FRMPD4: variants seen among roughly 807,000 people sequenced by gnomAD.
FRMPD4 encodes the protein FERM and PDZ domain-containing protein 4.
A neutral mutation model predicts 94.1 loss-of-function variants in FRMPD4; 22 were observed. The observed-to-expected ratio is 0.23, with a 90% CI of 0.17 to 0.33. The LOEUF is 0.33. FRMPD4 is among the 10% of genes least tolerant of loss of function. FRMPD4 has a pLI of 1.00. For synonymous variants in FRMPD4, 631 were observed against 548.6 expected, an observed-to-expected ratio of 1.15 and a Z score of -2.10; for missense variants, 1,111 against 1,339.9, an observed-to-expected ratio of 0.83 and a Z score of 2.67.
chrX:12,338,884 G>C (rs2147954084), intron 1 of FRMPD4, among the ~76,000 whole-genome samples: 1 of 112,768 alleles, frequency 8.9e-6, no homozygotes, highest in South Asian at 3.7e-4. Context: ...CACCTTGCCT[G>C]TGTTCCATGT....
intron 3 of FRMPD4, among the ~76,000 whole-genome samples, chrX:11,901,783 T>G (rs1387414479): frequency 1.8e-5 from 2 of 111,815 alleles, no homozygotes; most frequent in Non-Finnish European, 1.9e-5. Flanking sequence ...ACTTTTTAAT[T>G]ATGGCCTTTC....
At chrX:12,071,321 G>A (rs1162486703) in intron 3 of FRMPD4, among the ~76,000 whole-genome samples, 1 of 110,320 alleles carries the variant, frequency 9.1e-6, no homozygotes, top group Non-Finnish European at 1.9e-5. Context: ...TAAATGACAG[G>A]AACCATGACA....
At position 12,416,860 on chromosome X, in the gene FRMPD4, C is replaced by G. The variant is rs180972017; in HGVS notation, c.42-81820C>G. 2.2e-3 allele frequency among the ~76,000 whole-genome samples: 245 copies of G among 111,971 alleles called. 4 individuals carry two copies. The highest frequency in any genetic ancestry group is 3.6e-3 in the Admixed American group (38 of 10,610). On this transcript the variant is annotated intron_variant, in intron 1 of 16. Coordinates refer to ENST00000675598, the MANE Select transcript of FRMPD4 (RefSeq NM_001368397.1). ...AAGGAAGTCACACCATACATTTTGT[C>G]TGTCTTTCTTTAAAATCCTTTATTT...
At chrX:11,935,370 G>A (rs1490941574) in intron 3 of FRMPD4, among the ~76,000 whole-genome samples, 3 of 17,260 alleles carry the variant, frequency 1.7e-4, no homozygotes, top group Non-Finnish European at 2.1e-4. Flanking sequence ...TGCCATGCTT[G>A]TGCGCTGCAC....
At chrX:12,720,066 GAA>G (rs1451696746) in intron 16 of FRMPD4, among the ~76,000 whole-genome samples, 4 of 102,966 alleles carry the variant, frequency 3.9e-5, no homozygotes, top group East Asian at 5.9e-4. Flanking sequence ...AAGAAAGAAA[GAA>G]AGAAAGAAAG....
At chrX:12,719,582 T>C (rs5934031) in intron 16 of FRMPD4, among the ~76,000 whole-genome samples, 45,679 of 110,736 alleles carry the variant, frequency 0.41, 7,014 homozygotes, top group East Asian at 0.66. Flanking sequence ...CAATGGAAGT[T>C]AGTGACATCT....
rs1425807087 is a variant in FRMPD4 at position 12,058,077 on chromosome X, A to G, written c.95+180059A>G. Among the ~76,000 whole-genome samples the G allele has an allele frequency of 7.2e-5, 8 of 111,578 alleles. No homozygotes were observed. In the Admixed American group the frequency reaches 7.7e-4, roughly 11 times the overall value. ...TTGGGGGTTGTAGTAAATAATTTTT[A>G]GGGGAAAATTAATGGTCTTGCAGAA... is the stretch of plus-strand genomic sequence containing the variant. On this transcript the variant is annotated intron_variant, in intron 3 of 18. Transcript: ENST00000640291.
intron 1 of FRMPD4, among the ~76,000 whole-genome samples, chrX:12,474,261 A>G (rs1224914051): frequency 9.0e-6 from 1 of 111,243 alleles, no homozygotes; most frequent in Non-Finnish European, 1.9e-5. Context: ...TTTGAAACCA[A>G]CGAGAACAAA....
intron 1 of FRMPD4, among the ~76,000 whole-genome samples, chrX:12,282,927 G>A (rs1299704922): frequency 8.9e-6 from 1 of 112,611 alleles, no homozygotes; most frequent in Non-Finnish European, 1.9e-5. Context: ...ATCAGCTGTA[G>A]GTGGATATTG....
chrX:12,625,757 T>C (rs759068899), intron 4 of FRMPD4, among the ~76,000 whole-genome samples: 1 of 111,609 alleles, frequency 9.0e-6, no homozygotes, highest in Admixed American at 9.5e-5. Flanking sequence ...CAGTAATCTA[T>C]TGTATATTTC....
At chrX:12,656,724 G>A (rs779198604) in intron 4 of FRMPD4, among the ~76,000 whole-genome samples, 1 of 111,889 alleles carries the variant, frequency 8.9e-6, no homozygotes, top group Non-Finnish European at 1.9e-5. Context: ...AGGAGCATGG[G>A]GGCTTCTGGG....
chrX:12,664,813 G>A, intron 4 of FRMPD4, among the ~76,000 whole-genome samples: 1 of 111,695 alleles, frequency 9.0e-6, no homozygotes, highest in East Asian at 2.8e-4. Context: ...ATAGAATTTG[G>A]CTGTGAATAT....
chrX:11,960,712 A>G (rs1159501004), intron 3 of FRMPD4, among the ~76,000 whole-genome samples: 1 of 112,069 alleles, frequency 8.9e-6, no homozygotes, highest in East Asian at 2.8e-4. Context: ...TATCTTGATC[A>G]TAACATTTGT....
chrX:12,253,487 C>T (rs1329512815), intron 1 of FRMPD4, among the ~76,000 whole-genome samples: 2 of 111,907 alleles, frequency 1.8e-5, no homozygotes, highest in Non-Finnish European at 3.8e-5. Context: ...AGTTAAGAAG[C>T]TTTATCTGTC....
At chrX:12,332,855 T>G (rs2055452945) in intron 1 of FRMPD4, among the ~76,000 whole-genome samples, 1 of 112,224 alleles carries the variant, frequency 8.9e-6, no homozygotes, top group Non-Finnish European at 1.9e-5. Flanking sequence ...AAATACTGCA[T>G]CATTAAGCAA....
At chrX:11,839,118 T>C (rs760441730) in intron 1 of FRMPD4, among the ~76,000 whole-genome samples, 35 of 111,610 alleles carry the variant, frequency 3.1e-4, no homozygotes, top group African/African-American at 1.1e-3. Flanking sequence ...ATAAGGGTTC[T>C]AGTTTCTCCA....
intron 1 of FRMPD4, among the ~76,000 whole-genome samples, chrX:12,313,939 T>C (rs1218336655): frequency 8.9e-6 from 1 of 112,309 alleles, no homozygotes; most frequent in African/African-American, 3.2e-5. Flanking sequence ...ATGTGTGTAA[T>C]GTAATGTAAA....
At chrX:11,954,622 T>C (rs1220421112) in intron 3 of FRMPD4, among the ~76,000 whole-genome samples, 6 of 111,986 alleles carry the variant, frequency 5.4e-5, no homozygotes, top group African/African-American at 1.9e-4. Context: ...ACCACATTTT[T>C]TTAGTGCTGT....
chrX:12,317,977 C>T (rs5979588), intron 1 of FRMPD4, among the ~76,000 whole-genome samples: 5,214 of 112,096 alleles, frequency 0.047, 276 homozygotes, highest in African/African-American at 0.15. Context: ...AGGAAATCAG[C>T]ATATCAAGGA....
Sources: allele counts gnomAD v4.1 joint callset (sites outside exome capture counted in the v4.1 genomes callset), GRCh38; gene constraint gnomAD v4.1.1; transcripts MANE v1.5; gene names NCBI Gene and HGNC (gene_info 2026-07-23, HGNC 2026-07-21).